The following MTF2 variants were observed in gnomAD, a reference collection of about 807,000 sequenced individuals.
MTF2 encodes metal-response element-binding transcription factor 2.
Under a neutral mutation model 79.5 loss-of-function variants are expected in MTF2, and 11 were observed. The observed-to-expected ratio is 0.14, with a 90% CI of 0.09 to 0.23. The LOEUF is 0.23. Ranked by LOEUF, MTF2 falls within the 10% of genes least tolerant of loss-of-function variation. The pLI is 1.00. For missense variants in MTF2, 486 were observed against 711.2 expected (o/e 0.68, Z 3.60); for synonymous variants, 208 against 232.8 (o/e 0.89, Z 0.97).
At chr1:93,117,545 T>A (rs1313323124) in intron 6 of MTF2, among the ~76,000 whole-genome samples, 1 of 152,240 alleles carries the variant, frequency 6.6e-6, no homozygotes, top group Non-Finnish European at 1.5e-5. Context: ...AGATTTATGA[T>A]AATGTTAAGC....
chr1:93,115,148 A>G (rs1339442430), intron 5 of MTF2, 60 bp downstream of exon 5: 11 of 1,260,320 alleles, frequency 8.7e-6, no homozygotes, highest in African/African-American at 1.5e-5. Flanking sequence ...TTATCAACAT[A>G]ATGATTGTGT....
At chr1:93,091,211 C>A (rs1655062748) in intron 1 of MTF2, among the ~76,000 whole-genome samples, 2 of 152,164 alleles carry the variant, frequency 1.3e-5, no homozygotes, top group East Asian at 3.9e-4. Flanking sequence ...TTTACTTAAC[C>A]CGTCTGGTAC....
intron 1 of MTF2, among the ~76,000 whole-genome samples, chr1:93,097,807 G>A (rs550750088): frequency 4.0e-5 from 6 of 151,764 alleles, no homozygotes; most frequent in African/African-American, 1.5e-4. Flanking sequence ...CTTGTTGGCC[G>A]GGCTGGTCGC....
rs558989536 is a variant in MTF2, at chr1:93,093,380, C to T, written c.5+13849C>T. The stretch of plus-strand genomic sequence containing the variant: ...CAGTGCACTTTTCCACAATGTCAAT[C>T]TGTCATCTAATTTATCAGTGCCATT... On this transcript the variant is annotated intron_variant, in intron 1 of 14. Coordinates refer to ENST00000370298, the MANE Select transcript of MTF2 (RefSeq NM_007358.4). Among the ~76,000 whole-genome samples the T allele has an allele frequency of 4.6e-5, 7 of 152,270 alleles. No homozygotes were observed. In the East Asian group the frequency reaches 1.2e-3, roughly 25 times the overall value.
At chr1:93,106,210 C>T (rs1019260844) in intron 1 of MTF2, among the ~76,000 whole-genome samples, 5 of 152,110 alleles carry the variant, frequency 3.3e-5, no homozygotes, top group African/African-American at 1.2e-4. Flanking sequence ...TGTTTGATAC[C>T]TTATGACCTA....
chr1:93,096,337 C>T (rs933548398), intron 1 of MTF2, among the ~76,000 whole-genome samples: 2 of 152,142 alleles, frequency 1.3e-5, no homozygotes, highest in Non-Finnish European at 2.9e-5. Flanking sequence ...CTATCCAGGG[C>T]CCCAAATACG....
Position 93,129,382 on chromosome 1 carries a change from C to A in MTF2, c.1094C>A (p.Pro365His). ...GTGGCTTTCAAAGCAGAGAAAGAAC[C>A]TGAAGGAACATCTCATGAATTTAAA... ...PNVAFKAEKE[P>H]EGTSHEFKIK... The change falls in exon 11 of 15, where the codon CCT becomes CAT. Residue 365 changes from proline (P) to histidine (H), a missense_variant. This residue lies in a region of MTF2 where 177 missense variants were observed against 364.0 expected (regional missense o/e 0.49). Transcript: ENST00000370298. 1 of 1,580,740 alleles carries A rather than the reference C, an allele frequency of 6.3e-7. No homozygotes were observed. Among genetic ancestry groups the A allele is most frequent in the Non-Finnish European group, 8.6e-7 (1 of 1,157,480 alleles).
At chr1:93,132,722 T>C (rs1656968731) in intron 11 of MTF2, among the ~76,000 whole-genome samples, 1 of 152,052 alleles carries the variant, frequency 6.6e-6, no homozygotes, top group Non-Finnish European at 1.5e-5. Context: ...GAGGGATAAG[T>C]TTTTTTCCTA....
intron 1 of MTF2, among the ~76,000 whole-genome samples, chr1:93,084,613 G>C (rs1266804529): frequency 6.6e-6 from 1 of 152,128 alleles, no homozygotes; most frequent in Non-Finnish European, 1.5e-5. Flanking sequence ...TAACATCTAT[G>C]AACATGGGAT....
intron 1 of MTF2, among the ~76,000 whole-genome samples, chr1:93,091,323 T>G (rs1436067742): frequency 6.6e-6 from 1 of 151,748 alleles, no homozygotes; most frequent in Non-Finnish European, 1.5e-5. Flanking sequence ...TTCCTCAGGA[T>G]ACTTTTATAA....
chr1:93,132,816 T>C (rs1656972089), intron 11 of MTF2, among the ~76,000 whole-genome samples: 1 of 152,102 alleles, frequency 6.6e-6, no homozygotes, highest in Non-Finnish European at 1.5e-5. Flanking sequence ...AATTTCCTCA[T>C]AGCCCTCACT....
At chr1:93,128,640 A>G (rs1479089431) in intron 10 of MTF2, among the ~76,000 whole-genome samples, 1 of 151,770 alleles carries the variant, frequency 6.6e-6, no homozygotes, top group African/African-American at 2.4e-5. Flanking sequence ...AAGTTTCAGT[A>G]GAGCTGAGGT....
chr1:93,114,740 A>G lies in MTF2; in HGVS notation c.339A>G (p.Ser113=). 6.2e-7 allele frequency: 1 copy of G among 1,612,966 alleles called. No individual in the cohort carries two copies. The highest frequency in any genetic ancestry group is 8.5e-7 in the Non-Finnish European group (1 of 1,179,570). Residue 113 remains serine (S), a synonymous_variant, in exon 4 of 15, where the codon TCA becomes TCG. Transcript: ENST00000370298. ...MVCTICQEEY[S]EAPNEMVICD... ...GTACAATATGTCAAGAAGAGTATTC[A>G]GAAGCTCCCAATGAAATGGTTATAT... is the stretch of plus-strand genomic sequence containing the variant.
intron 14 of MTF2, 122 bp from the exon 15 acceptor site, chr1:93,136,548 C>A: frequency 1.2e-6 from 1 of 832,652 alleles, no homozygotes. Flanking sequence ...TTGGGTTTGG[C>A]TCATTTTTAT....
intron 1 of MTF2, among the ~76,000 whole-genome samples, chr1:93,083,760 T>C (rs1654713208): frequency 6.6e-6 from 1 of 152,266 alleles, no homozygotes; most frequent in South Asian, 2.1e-4. Context: ...CTTTTGATTA[T>C]AACCATCCTA....
intron 9 of MTF2, among the ~76,000 whole-genome samples, chr1:93,126,581 G>T (rs1308692242): frequency 6.6e-6 from 1 of 151,780 alleles, no homozygotes; most frequent in Non-Finnish European, 1.5e-5. Flanking sequence ...AGGCAGAAAG[G>T]TCTCTGAGAA....
chr1:93,129,558 A>ATTTTTTTTTT (rs200494793), intron 11 of MTF2, 110 bp downstream of exon 11: 2 of 447,834 alleles, frequency 4.5e-6, no homozygotes, highest in Non-Finnish European at 6.9e-6. Context: ...AGTTACTCTG[A>ATTTTTTTTTT]TTTTTTTTTT....
intron 8 of MTF2, chr1:93,120,169 C>G (rs1165514918): frequency 6.5e-6 from 1 of 153,614 alleles, no homozygotes; most frequent in African/African-American, 2.4e-5. Flanking sequence ...GCCTGTAATC[C>G]CAGCTACTCG....
intron 3 of MTF2, among the ~76,000 whole-genome samples, chr1:93,111,511 T>A (rs1656026581): frequency 6.6e-6 from 1 of 152,180 alleles, no homozygotes; most frequent in African/African-American, 2.4e-5. Flanking sequence ...AGTTCTTGAC[T>A]TTACTCTTAA....
Sources: gnomAD v4.1 joint callset for allele counts (sites outside exome capture counted in the v4.1 genomes callset) on GRCh38, gnomAD v4.1.1 for gene constraint, gnomAD v4.1.1 regional missense constraint, MANE v1.5 for transcripts, NCBI Gene and HGNC (gene_info 2026-07-23, HGNC 2026-07-21) for gene names.